The following EFCAB6 variants were observed in gnomAD, a reference collection of about 807,000 sequenced individuals.
EFCAB6 encodes EF-hand calcium-binding domain-containing protein 6.
A neutral mutation model predicts 169.8 loss-of-function variants in EFCAB6; 156 were observed. The ratio of observed to expected loss-of-function variants is 0.92; its 90% CI spans 0.81 to 1.05. The LOEUF (loss-of-function observed/expected upper bound fraction) is 1.05, where lower values mean the gene tolerates loss of function less well. Among genes scored for constraint, EFCAB6 ranks in the 50% least tolerant of loss-of-function variants. The pLI, the probability that EFCAB6 is intolerant of heterozygous loss-of-function variation, is 0.00. For missense variants in EFCAB6, 1,800 were observed against 1,829.1 expected, an observed-to-expected ratio of 0.98 and a Z score of 0.29; for synonymous variants, 698 against 676.4, an observed-to-expected ratio of 1.03 and a Z score of -0.50.
At chr22:43,634,056 C>T (rs1205985388) in intron 18 of EFCAB6, among the ~76,000 whole-genome samples, 3 of 152,030 alleles carry the variant, frequency 2.0e-5, no homozygotes, top group Non-Finnish European at 2.9e-5. Flanking sequence ...GCCAGGAAGC[C>T]GGGAGCAGGT....
rs1240153945 is a variant in EFCAB6, at chr22:43,711,525, G to A, written c.981C>T (p.Asp327=). ...VSFNYLKIVL[D]TFVYQIPRRI... is the part of the protein sequence containing the mutation. ...TTCTTGGTATTTGGTATACAAAAGT[G>A]TCGAGGACAATCTTTAGATAATTAA... Residue 327 remains aspartate, a synonymous_variant, in exon 10 of 32, where the codon GAC becomes GAT. Transcript: ENST00000262726. 1 of 1,605,452 alleles carries A rather than the reference G, an allele frequency of 6.2e-7. No individual in the cohort carries two copies. Among genetic ancestry groups the A allele is most frequent in the Non-Finnish European group, 8.5e-7 (1 of 1,178,118 alleles).
rs149265409 is a variant in EFCAB6 at position 43,537,593 on chromosome 22, G to A, written c.3880-48C>T. On this transcript the variant is annotated intron_variant, in intron 28 of 31. Coordinates refer to ENST00000262726, the MANE Select transcript of EFCAB6 (RefSeq NM_022785.4). The surrounding 1 kb of genome is among the most constrained non-coding windows in gnomAD (Gnocchi z 4.3). ...GCTCTTTTCACTTAAGATTTAAAAC[G>A]GAAGTCATCAAAAATACCTCAATAC... The A allele has an allele frequency of 4.5e-4, 694 of 1,559,474 alleles. 7 individuals are homozygous for A. The East Asian group carries it at 0.014, about 32-fold the overall frequency.
intron 30 of EFCAB6, 45 bp from the exon 31 acceptor site, chr22:43,531,009 G>T: frequency 6.2e-7 from 1 of 1,611,192 alleles, no homozygotes; most frequent in Non-Finnish European, 8.5e-7. Flanking sequence ...TTTTGAACAC[G>T]AGGGTTGGGG....
chr22:43,679,649 ATTGT>A (rs1274913324), intron 12 of EFCAB6, among the ~76,000 whole-genome samples: 8 of 151,928 alleles, frequency 5.3e-5, no homozygotes, highest in African/African-American at 1.7e-4. Flanking sequence ...AACACTTATT[ATTGT>A]TTGTCTTTTT....
chr22:43,738,177 TGCACACACACCTGCATATACTCAA>T (rs914457184), intron 6 of EFCAB6, among the ~76,000 whole-genome samples: 28 of 145,024 alleles, frequency 1.9e-4, no homozygotes, highest in Non-Finnish European at 2.9e-4. Context: ...CACACATATA[TGCACACACACCTGCATATACTCAA>T]ACTCACACAC....
At chr22:43,556,470 C>T (rs905008947) in intron 26 of EFCAB6, among the ~76,000 whole-genome samples, 2 of 152,200 alleles carry the variant, frequency 1.3e-5, no homozygotes, top group African/African-American at 2.4e-5. Flanking sequence ...GGTTTCCCCA[C>T]ATCAAAGCCC....
intron 15 of EFCAB6, among the ~76,000 whole-genome samples, chr22:43,670,334 T>C (rs1212615617): frequency 6.6e-6 from 1 of 152,234 alleles, no homozygotes; most frequent in East Asian, 1.9e-4. Context: ...AGTATAAAAG[T>C]GTCCCGAGAC....
At chr22:43,724,248 A>C (rs555011761) in intron 8 of EFCAB6, among the ~76,000 whole-genome samples, 42 of 152,268 alleles carry the variant, frequency 2.8e-4, no homozygotes, top group Non-Finnish European at 5.3e-4. Flanking sequence ...CAATGCAGCC[A>C]AGTTTGCAAC....
At chr22:43,721,946 AACAG>A (rs1472444783) in intron 8 of EFCAB6, among the ~76,000 whole-genome samples, 1 of 152,180 alleles carries the variant, frequency 6.6e-6, no homozygotes, top group Non-Finnish European at 1.5e-5. Context: ...ACTATCAATA[AACAG>A]ACAACCTACA....
At chr22:43,732,871 T>G (rs2060004352) in intron 7 of EFCAB6, among the ~76,000 whole-genome samples, 4 of 152,324 alleles carry the variant, frequency 2.6e-5, no homozygotes, top group Admixed American at 2.6e-4. Flanking sequence ...TCTAGATCAT[T>G]TCTGTGTTAT....
chr22:43,802,167 C>T (rs774732991), intron 2 of EFCAB6, among the ~76,000 whole-genome samples: 5 of 152,128 alleles, frequency 3.3e-5, no homozygotes, highest in Non-Finnish European at 7.3e-5. Flanking sequence ...TGTGCTGCTA[C>T]ATCCTGCAAC....
chr22:43,726,167 TGCAAAAACA>T (rs2059718786), intron 8 of EFCAB6, among the ~76,000 whole-genome samples: 1 of 146,878 alleles, frequency 6.8e-6, no homozygotes, highest in Non-Finnish European at 1.5e-5. Context: ...ATTGATAAAA[TGCAAAAACA>T]AAAAAAGGGA....
In EFCAB6 at chr22:43,537,248, A is replaced by G; in HGVS notation, c.4048+129T>C. On this transcript the variant is annotated intron_variant, in intron 29 of 31. Coordinates refer to ENST00000262726, the MANE Select transcript of EFCAB6 (RefSeq NM_022785.4). This position sits in a 1 kb window ranked among gnomAD's most constrained non-coding sequence, Gnocchi z 4.3. Reference sequence around the variant, plus strand: ...TAGTAAGCTGCACAGCCCACCCAGAAGTTCCCACCAGTTTCCTGTTCTGCT... The same window carrying G: ...TAGTAAGCTGCACAGCCCACCCAGAGGTTCCCACCAGTTTCCTGTTCTGCT... The G allele has an allele frequency of 8.4e-7, 1 of 1,189,594 alleles. No individual in the cohort carries two copies. The highest frequency in any genetic ancestry group is 2.3e-5 in the Admixed American group (1 of 44,306). The allele number at this position is 1,189,594 out of a possible 1,614,324, so 73.7% of individuals were successfully genotyped here. A position where few individuals can be genotyped will look rare whatever the true frequency, so the allele number is the denominator to read the frequency against.
intron 28 of EFCAB6, among the ~76,000 whole-genome samples, chr22:43,538,042 T>A (rs2047482245): frequency 6.7e-6 from 1 of 149,908 alleles, no homozygotes; most frequent in Non-Finnish European, 1.5e-5. Flanking sequence ...GTGGCTCTAA[T>A]CTAGCCCAGG....
intron 17 of EFCAB6, among the ~76,000 whole-genome samples, 186 bp from the exon 18 acceptor site, chr22:43,635,402 G>C (rs2055316303): frequency 6.6e-6 from 1 of 152,156 alleles, no homozygotes; most frequent in African/African-American, 2.4e-5. Flanking sequence ...CACAAGGCTT[G>C]TGTTTGTTGG....
intron 17 of EFCAB6, among the ~76,000 whole-genome samples, chr22:43,651,021 G>A (rs1053082940): frequency 7.2e-5 from 11 of 152,170 alleles, no homozygotes; most frequent in East Asian, 3.8e-4. Context: ...CTGACAATGC[G>A]ATAGAAAAGA....
intron 8 of EFCAB6, among the ~76,000 whole-genome samples, chr22:43,719,196 A>G (rs2059438197): frequency 6.6e-6 from 1 of 152,176 alleles, no homozygotes; most frequent in African/African-American, 2.4e-5. Flanking sequence ...GGTACGGTGT[A>G]TTCAGTGACG....
intron 17 of EFCAB6, among the ~76,000 whole-genome samples, chr22:43,645,591 A>G (rs2056103386): frequency 6.6e-6 from 1 of 152,238 alleles, no homozygotes; most frequent in Non-Finnish European, 1.5e-5. Flanking sequence ...ACAATTGCAT[A>G]CCCATATTTT....
At chr22:43,811,503 A>G (rs1183159474) in intron 1 of EFCAB6, among the ~76,000 whole-genome samples, 1 of 152,182 alleles carries the variant, frequency 6.6e-6, no homozygotes, top group Non-Finnish European at 1.5e-5. Context: ...GAGAGGGGTG[A>G]TTTGGACAAC....
Sources: allele counts gnomAD v4.1 joint callset (sites outside exome capture counted in the v4.1 genomes callset), GRCh38; gene constraint gnomAD v4.1.1; non-coding constraint Gnocchi (gnomAD v3.1); transcripts MANE v1.5; gene names NCBI Gene and HGNC (gene_info 2026-07-23, HGNC 2026-07-21).